XNDC1N: variants seen among roughly 807,000 people sequenced by gnomAD.
XNDC1N encodes the protein XRCC1 N-terminal domain containing 1, N-terminal like.
the XNDC1N span, among the ~76,000 whole-genome samples, chr11:71,900,148 C>T: frequency 1.3e-5 from 2 of 152,256 alleles, no homozygotes; most frequent in Non-Finnish European, 2.9e-5. Context: ...TCCTTATTAT[C>T]ACCCTGCCCT....
chr11:71,925,283 A>G, the XNDC1N span, among the ~76,000 whole-genome samples: 3 of 152,034 alleles, frequency 2.0e-5, no homozygotes, highest in African/African-American at 7.2e-5. Flanking sequence ...TGTGTACCCA[A>G]TGTAAAAGGG....
the XNDC1N span, among the ~76,000 whole-genome samples, chr11:71,902,544 C>A: frequency 6.6e-6 from 1 of 152,064 alleles, no homozygotes; most frequent in African/African-American, 2.4e-5. Context: ...GGAGTTAGAG[C>A]TTCCATGAAT....
the XNDC1N span, among the ~76,000 whole-genome samples, chr11:71,892,530 G>T: frequency 6.6e-6 from 1 of 152,018 alleles, no homozygotes; most frequent in Non-Finnish European, 1.5e-5. Flanking sequence ...AATATCACAG[G>T]GTGTACGCCC....
chr11:71,889,418 G>A, the XNDC1N span, among the ~76,000 whole-genome samples: 3 of 152,154 alleles, frequency 2.0e-5, no homozygotes, highest in African/African-American at 7.2e-5. Flanking sequence ...CCCCCTTCTG[G>A]GCATCAGGGC....
chr11:71,914,515 C>T, the XNDC1N span: 12 of 375,488 alleles, frequency 3.2e-5, no homozygotes, highest in African/African-American at 2.3e-4. Flanking sequence ...GGTGAAACCC[C>T]ATCTCTACTA....
the XNDC1N span, among the ~76,000 whole-genome samples, chr11:71,901,748 T>C: frequency 6.6e-6 from 1 of 152,086 alleles, no homozygotes; most frequent in Non-Finnish European, 1.5e-5. Context: ...GGGTGAGATA[T>C]CCATCCTCTG....
At chr11:71,926,269 AAAAT>A in the XNDC1N span, among the ~76,000 whole-genome samples, 1 of 152,110 alleles carries the variant, frequency 6.6e-6, no homozygotes, top group South Asian at 2.1e-4. Context: ...CCCTGTCTCA[AAAAT>A]AAATAAATAC....
the XNDC1N span, among the ~76,000 whole-genome samples, chr11:71,888,423 A>T: frequency 6.6e-6 from 1 of 151,974 alleles, no homozygotes; most frequent in Non-Finnish European, 1.5e-5. Context: ...GGACCGGGAA[A>T]CTTTGGAATG....
At chr11:71,892,762 C>G in the XNDC1N span, among the ~76,000 whole-genome samples, 5 of 152,088 alleles carry the variant, frequency 3.3e-5, no homozygotes, top group African/African-American at 9.7e-5. Context: ...CTCAGGTGAT[C>G]CATCAGCCTC....
At chr11:71,897,940 TG>T in the XNDC1N span, among the ~76,000 whole-genome samples, 2 of 152,204 alleles carry the variant, frequency 1.3e-5, no homozygotes, top group Admixed American at 6.5e-5. Context: ...CGCAGCGTCT[TG>T]GAAGACCGAG....
At chr11:71,919,000 C>T in the XNDC1N span, 1 of 701,832 alleles carries the variant, frequency 1.4e-6, no homozygotes, top group Non-Finnish European at 2.6e-6. Context: ...CTGGGTTTAG[C>T]AAGTTCTCTA....
the XNDC1N span, chr11:71,893,363 T>C: frequency 3.2e-6 from 2 of 632,856 alleles, no homozygotes; most frequent in Admixed American, 4.7e-5. Flanking sequence ...GGTCCGCAAG[T>C]GTCAAGATGT....
At chr11:71,928,559 G>A in the XNDC1N span, 1 of 702,552 alleles carries the variant, frequency 1.4e-6, no homozygotes, top group Non-Finnish European at 2.6e-6. Context: ...GAGGCAAGAT[G>A]GCAGGTGCTG....
chr11:71,888,355 T>C, the XNDC1N span, among the ~76,000 whole-genome samples: 4 of 152,140 alleles, frequency 2.6e-5, no homozygotes, highest in East Asian at 1.9e-4. Flanking sequence ...TTGTAGACTA[T>C]GGATCCCAAA....
At chr11:71,885,283 T>C in the XNDC1N span, among the ~76,000 whole-genome samples, 39 of 152,280 alleles carry the variant, frequency 2.6e-4, no homozygotes, top group Non-Finnish European at 5.9e-5. Context: ...TTCTGTGATA[T>C]TGAAAGTAAT....
the XNDC1N span, among the ~76,000 whole-genome samples, chr11:71,895,475 A>ATTTTTTTTTTTTTTTTT: frequency 1.0e-5 from 1 of 98,356 alleles, no homozygotes; most frequent in Non-Finnish European, 2.0e-5. Flanking sequence ...ATGCCTGGCT[A>ATTTTTTTTTTTTTTTTT]TTTTTTTTTT....
chr11:71,907,311 C>T, the XNDC1N span, among the ~76,000 whole-genome samples: 1 of 151,918 alleles, frequency 6.6e-6, no homozygotes. Flanking sequence ...ACCCCCTCTC[C>T]CCCACTGGAT....
the XNDC1N span, among the ~76,000 whole-genome samples, chr11:71,892,657 G>T: frequency 6.6e-6 from 1 of 152,042 alleles, no homozygotes; most frequent in East Asian, 1.9e-4. Flanking sequence ...GAGTAGCTAG[G>T]GTTACCAGCC....
chr11:71,909,780 C>T, the XNDC1N span, among the ~76,000 whole-genome samples: 1,677 of 152,304 alleles, frequency 0.011, 18 homozygotes, highest in African/African-American at 0.039. Flanking sequence ...AGTTTTGGTA[C>T]ATGCCTGACT....
Sources: gnomAD v4.1 joint callset for allele counts (sites outside exome capture counted in the v4.1 genomes callset) on GRCh38, gnomAD v4.1.1 for gene constraint, MANE v1.5 for transcripts, NCBI Gene and HGNC (gene_info 2026-07-23, HGNC 2026-07-21) for gene names.